Variants in IWS1 observed in about 807,000 individuals in gnomAD.
IWS1 encodes interacts with SUPT6H, CTD assembly factor 1.
In IWS1, 27 loss-of-function variants were observed where a neutral mutation model predicts 86.7. The ratio of observed to expected loss-of-function variants is 0.31; its 90% CI spans 0.23 to 0.43. The LOEUF (loss-of-function observed/expected upper bound fraction) is 0.43. IWS1 is among the 20% of genes least tolerant of loss of function. The probability of loss-of-function intolerance (pLI) is 1.00; values close to 1 mark genes in which losing one functional copy is unlikely to be tolerated. For synonymous variants in IWS1, 313 were observed against 335.1 expected, an observed-to-expected ratio of 0.93 and a Z score of 0.72; for missense variants, 827 against 1,000.8, an observed-to-expected ratio of 0.83 and a Z score of 2.34.
chr2:127,526,349 A>C lies in IWS1; in HGVS notation c.-141T>G, dbSNP rs1199443991. 1 of 1,537,678 alleles carries C rather than the reference A, an allele frequency of 6.5e-7. No homozygotes were observed. Among genetic ancestry groups the C allele is most frequent in the South Asian group, 1.2e-5 (1 of 83,702 alleles). ...GAGAACTTAACGGGTGCGGAGGGTA[A>C]GAAAGCGGTAGCGGCAAAGGCGAAT... On this transcript the variant is annotated 5_prime_UTR_variant, in exon 1 of 14. Transcript: ENST00000295321.
intron 1 of IWS1, 88 bp from the exon 2 acceptor site, chr2:127,523,879 A>C: frequency 1.1e-6 from 1 of 883,882 alleles, no homozygotes; most frequent in Non-Finnish European, 1.8e-6. Context: ...AGAATAACGT[A>C]AGTGCAAAAG....
chr2:127,506,143 G>T (rs1192771081), intron 2 of IWS1, among the ~76,000 whole-genome samples: 25 of 152,176 alleles, frequency 1.6e-4, no homozygotes, highest in Admixed American at 1.6e-3. Flanking sequence ...CCGAGGTGGT[G>T]GATCACCTGA....
chr2:127,490,046 T>C, intron 10 of IWS1, 103 bp from the exon 11 acceptor site: 1 of 715,842 alleles, frequency 1.4e-6, no homozygotes, highest in South Asian at 1.6e-5. Flanking sequence ...ACATTTAGAA[T>C]ATTCTTTCCT....
chr2:127,501,549 G>A (rs543063284), intron 5 of IWS1, among the ~76,000 whole-genome samples: 11 of 151,824 alleles, frequency 7.2e-5, no homozygotes, highest in African/African-American at 2.2e-4. Flanking sequence ...CAATTTTTGC[G>A]AAAACTTTTC....
intron 5 of IWS1, among the ~76,000 whole-genome samples, chr2:127,500,913 T>C (rs909316719): frequency 6.6e-6 from 1 of 152,200 alleles, no homozygotes; most frequent in Admixed American, 6.5e-5. Flanking sequence ...GACTACAACA[T>C]GCACCCTAAC....
intron 2 of IWS1, among the ~76,000 whole-genome samples, chr2:127,522,791 A>G (rs529088828): frequency 2.0e-5 from 3 of 152,382 alleles, no homozygotes; most frequent in African/African-American, 4.8e-5. Context: ...TATCTTGTTA[A>G]CATGATGTAT....
Position 127,499,130 on chromosome 2 carries a change from G to A in IWS1, c.1468-893C>T, listed in dbSNP as rs1378801508. 2.1e-5 allele frequency among the ~76,000 whole-genome samples: 3 copies of A among 144,276 alleles called. No homozygotes were observed. Among genetic ancestry groups the A allele is most frequent in the Non-Finnish European group, 3.0e-5 (2 of 67,052 alleles). 94.7% of individuals were successfully genotyped at this position (144,276 alleles called of 152,430 possible). A position where few individuals can be genotyped will look rare whatever the true frequency, so the allele number is the denominator to read the frequency against. On this transcript the variant is annotated intron_variant, in intron 5 of 13. Coordinates refer to ENST00000295321, the MANE Select transcript of IWS1 (RefSeq NM_017969.3). This position sits in a 1 kb window ranked among gnomAD's most constrained non-coding sequence, Gnocchi z 4.0. ...TTTTGAGACGGAGTCTCACTGTGTCGCCCAGGCCAGAGTGCAGTGGCGTGA... is the reference window on the plus strand; with the variant it reads ...TTTTGAGACGGAGTCTCACTGTGTCACCCAGGCCAGAGTGCAGTGGCGTGA...
chr2:127,486,372 T>C (rs918191976), intron 13 of IWS1, 181 bp downstream of exon 13: 28 of 507,418 alleles, frequency 5.5e-5, no homozygotes, highest in African/African-American at 5.2e-4. Flanking sequence ...ACTTTAATCC[T>C]GGGTAATACT....
intron 2 of IWS1, chr2:127,506,756 G>T (rs914124922): frequency 3.0e-5 from 5 of 168,626 alleles, no homozygotes; most frequent in African/African-American, 1.2e-4. Flanking sequence ...GGGAGAACAT[G>T]ATTCATCTAA....
intron 3 of IWS1, 46 bp downstream of exon 3, chr2:127,504,638 G>T: frequency 7.6e-7 from 1 of 1,314,566 alleles, no homozygotes; most frequent in Non-Finnish European, 1.1e-6. Context: ...TACAAGCTTA[G>T]ACAATGAATA....
At chr2:127,483,207 A>G (rs1573493641) in intron 13 of IWS1, among the ~76,000 whole-genome samples, 1 of 152,332 alleles carries the variant, frequency 6.6e-6, no homozygotes, top group South Asian at 2.1e-4. Context: ...TTCCTTTGTC[A>G]TTTTACTGTT....
At chr2:127,494,810 A>C (rs1419115623) in intron 8 of IWS1, 62 bp downstream of exon 8, 4 of 916,906 alleles carry the variant, frequency 4.4e-6, no homozygotes, top group East Asian at 5.0e-5. Flanking sequence ...ACACCAGTAC[A>C]TCATTTGAAT....
intron 6 of IWS1, among the ~76,000 whole-genome samples, chr2:127,496,675 C>T (rs1379923980): frequency 6.6e-6 from 1 of 152,078 alleles, no homozygotes; most frequent in East Asian, 1.9e-4. Context: ...CTCCTGGGCT[C>T]ATCCTTCCAC....
chr2:127,493,461 T>C (rs998559554), intron 8 of IWS1, 51 bp from the exon 9 acceptor site: 5 of 1,513,760 alleles, frequency 3.3e-6, no homozygotes, highest in Non-Finnish European at 4.4e-6. Context: ...TTCTACTGTA[T>C]CTTCCGACTT....
chr2:127,521,262 T>C (rs1692079053), intron 2 of IWS1, among the ~76,000 whole-genome samples: 2 of 151,926 alleles, frequency 1.3e-5, no homozygotes, highest in Non-Finnish European at 2.9e-5. Flanking sequence ...AATATATACA[T>C]AGAAAGACAC....
chr2:127,526,278 GA>G lies in IWS1; in HGVS notation c.-71del. ...CCCGTCACCTCCTTCCAGGCGGTGT[GA>G]CCCCGGATGGCGCGGCTAAGTGTTC... On this transcript the variant is annotated 5_prime_UTR_variant, in exon 1 of 14. Transcript: ENST00000295321. The G allele has an allele frequency of 6.5e-7, 1 of 1,546,198 alleles. No individual in the cohort carries two copies. The highest frequency in any genetic ancestry group is 8.7e-7 in the Non-Finnish European group (1 of 1,147,148).
chr2:127,498,258 A>G (rs895836499), intron 5 of IWS1, 21 bp from the exon 6 acceptor site: 23 of 1,599,798 alleles, frequency 1.4e-5, no homozygotes, highest in Non-Finnish European at 1.9e-5. Flanking sequence ...AATTATCACA[A>G]CCTCCTTACA....
intron 1 of IWS1, 22 bp downstream of exon 1, chr2:127,526,153 G>A (rs750218514): frequency 6.9e-6 from 11 of 1,591,068 alleles, no homozygotes; most frequent in Non-Finnish European, 3.4e-6. Context: ...TCCCAGCCCG[G>A]TCCCCCAGGT....
chr2:127,506,133 C>A (rs1418843348), intron 2 of IWS1, among the ~76,000 whole-genome samples: 2 of 152,148 alleles, frequency 1.3e-5, no homozygotes, highest in Non-Finnish European at 2.9e-5. Context: ...TTTTGGGAGG[C>A]CGAGGTGGTG....
Sources: allele counts gnomAD v4.1 joint callset (sites outside exome capture counted in the v4.1 genomes callset), GRCh38; gene constraint gnomAD v4.1.1; non-coding constraint Gnocchi (gnomAD v3.1); transcripts MANE v1.5; gene names NCBI Gene and HGNC (gene_info 2026-07-23, HGNC 2026-07-21).